Variants in KLHL4 observed in about 807,000 individuals in gnomAD.
KLHL4 encodes kelch like family member 4.
In KLHL4, 17 loss-of-function variants were observed where a neutral mutation model predicts 45.8. The observed-to-expected ratio is 0.37, with a 90% confidence interval of 0.25 to 0.56. KLHL4 has a LOEUF of 0.56. Among genes scored for constraint, KLHL4 ranks in the 20% least tolerant of loss-of-function variants. KLHL4 has a pLI of 0.79. For missense variants in KLHL4, 544 were observed against 544.9 expected (o/e 1.00, Z 0.02); for synonymous variants, 224 against 189.9 (o/e 1.18, Z -1.47).
chrX:87,554,117 G>A (rs1404241814), intron 1 of KLHL4, among the ~76,000 whole-genome samples: 1 of 87,854 alleles, frequency 1.1e-5, no homozygotes, highest in Non-Finnish European at 2.2e-5. Context: ...TTTGGTTACT[G>A]TAGCCTTGTA....
At chrX:87,588,544 GA>G (rs1477554930) in intron 1 of KLHL4, among the ~76,000 whole-genome samples, 1 of 111,134 alleles carries the variant, frequency 9.0e-6, no homozygotes, top group Non-Finnish European at 1.9e-5. Flanking sequence ...ACACACTGGG[GA>G]AAAGACAGTC....
Position 87,669,443 on chromosome X carries a change from G to A in KLHL4, c.*2909G>A, listed in dbSNP as rs1353891661. On this transcript the variant is annotated 3_prime_UTR_variant, in exon 11 of 11. Coordinates refer to ENST00000373119, the MANE Select transcript of KLHL4 (RefSeq NM_019117.5). ...CAATGACATTTATCAATCTGACTCA[G>A]GTGTGGCTGTTGCCCCTTTTTGATA... 3 of 1,192,671 alleles carry A rather than the reference G, an allele frequency of 2.5e-6. No individual in the cohort carries two copies. Among genetic ancestry groups the A allele is most frequent in the Non-Finnish European group, 3.4e-6 (3 of 886,815 alleles).
intron 1 of KLHL4, among the ~76,000 whole-genome samples, chrX:87,553,498 A>G (rs1022818420): frequency 5.4e-5 from 6 of 110,767 alleles, no homozygotes; most frequent in African/African-American, 1.6e-4. Flanking sequence ...GACAAATACC[A>G]ATTTTTGCAT....
chrX:87,546,610 A>C (rs1225321686), intron 1 of KLHL4, among the ~76,000 whole-genome samples: 1 of 111,956 alleles, frequency 8.9e-6, no homozygotes, highest in Non-Finnish European at 1.9e-5. Flanking sequence ...GAGAAGAGGG[A>C]CACAGTCCTC....
chrX:87,583,761 A>G lies in KLHL4; in HGVS notation c.423-30116A>G, dbSNP rs185396803. Among the ~76,000 whole-genome samples, 45 of 111,379 alleles carry G rather than the reference A, an allele frequency of 4.0e-4. No homozygotes were observed. In the East Asian group the frequency reaches 0.011, roughly 28 times the overall value. On this transcript the variant is annotated intron_variant, in intron 1 of 10. Transcript: ENST00000373119. The stretch of plus-strand genomic sequence containing the variant: ...CAGCACATTACCAGCTGTAATGGCC[A>G]TAGGACAAACCTCCTTCTGCTTGAA...
chrX:87,620,907 T>C (rs987296293), intron 4 of KLHL4, among the ~76,000 whole-genome samples: 1 of 112,676 alleles, frequency 8.9e-6, no homozygotes, highest in African/African-American at 3.2e-5. Context: ...ATAGTTGCAC[T>C]ACTATCACCA....
At chrX:87,617,587 A>G (rs770938362) in intron 3 of KLHL4, among the ~76,000 whole-genome samples, 56 of 112,049 alleles carry the variant, frequency 5.0e-4, no homozygotes, top group African/African-American at 1.7e-3. Flanking sequence ...TTTAAGGTGT[A>G]CAACGTAATA....
intron 1 of KLHL4, among the ~76,000 whole-genome samples, chrX:87,541,183 A>T (rs1354223687): frequency 1.8e-5 from 2 of 109,250 alleles, no homozygotes; most frequent in Non-Finnish European, 3.8e-5. Context: ...ATGAGATCTG[A>T]TGGTTTAAAA....
intron 1 of KLHL4, among the ~76,000 whole-genome samples, chrX:87,556,794 G>C (rs1300495970): frequency 9.0e-6 from 1 of 111,592 alleles, no homozygotes; most frequent in African/African-American, 3.3e-5. Flanking sequence ...TCACATGGCA[G>C]AGTAAGTTTT....
chrX:87,580,865 G>T (rs1055776635), intron 1 of KLHL4, among the ~76,000 whole-genome samples: 2 of 111,803 alleles, frequency 1.8e-5, no homozygotes, highest in Admixed American at 9.5e-5. Flanking sequence ...GAACATAAAA[G>T]AAATAGACAT....
At position 87,669,761 on chromosome X, in the gene KLHL4, A is replaced by G. The variant is rs7885122; in HGVS notation, c.*3227A>G. 0.05 allele frequency: 6,097 copies of G among 123,142 alleles called. 426 individuals are homozygous for G. Among genetic ancestry groups the G allele is most frequent in the African/African-American group, 0.19 (5,695 of 30,753 alleles). The allele number at this position is 123,142 out of a possible 1,213,427, so 10.1% of individuals were successfully genotyped here. The stretch of plus-strand genomic sequence containing the variant: ...TCCTGTCCACACTGCTGGAGATACT[A>G]AGTCCCAACCTAAATGATGGAAGGA... On this transcript the variant is annotated 3_prime_UTR_variant, in exon 11 of 11. Coordinates refer to ENST00000373119, the MANE Select transcript of KLHL4 (RefSeq NM_019117.5).
At chrX:87,539,062 G>T (rs1237455935) in intron 1 of KLHL4, among the ~76,000 whole-genome samples, 1 of 111,349 alleles carries the variant, frequency 9.0e-6, no homozygotes, top group East Asian at 2.8e-4. Context: ...AAAATAATTT[G>T]TAATGTTCAC....
In KLHL4 at chrX:87,669,299, ACTGT is replaced by A. The variant is rs1569366979; in HGVS notation, c.*2771_*2774del. The A allele has an allele frequency of 2.5e-6, 3 of 1,206,419 alleles. No homozygotes were observed. The highest frequency in any genetic ancestry group is 3.0e-5 in the East Asian group (1 of 33,679). On this transcript the variant is annotated 3_prime_UTR_variant, in exon 11 of 11. Transcript: ENST00000373119. ...GCATGCATCATGATGATTCTCTAAC[ACTGT>A]CTGTCACCTTCCTGTATTTCCACAG...
chrX:87,585,863 C>A (rs1287300943), intron 1 of KLHL4, among the ~76,000 whole-genome samples: 2 of 110,947 alleles, frequency 1.8e-5, no homozygotes, highest in Non-Finnish European at 3.8e-5. Flanking sequence ...ACTCATTGAT[C>A]TTTTGCCTAT....
intron 1 of KLHL4, among the ~76,000 whole-genome samples, chrX:87,559,696 A>G (rs1259466236): frequency 9.0e-6 from 1 of 111,633 alleles, no homozygotes; most frequent in African/African-American, 3.3e-5. Context: ...AATGCATAAT[A>G]CATGCAAGAC....
chrX:87,639,146 T>A (rs1923366208), intron 9 of KLHL4, among the ~76,000 whole-genome samples: 1 of 111,046 alleles, frequency 9.0e-6, no homozygotes, highest in Admixed American at 9.6e-5. Flanking sequence ...CAGGAAAATA[T>A]CACAATCCTA....
intron 2 of KLHL4, 63 bp downstream of exon 2, chrX:87,614,107 G>GT: frequency 1.3e-6 from 1 of 788,169 alleles, no homozygotes; most frequent in East Asian, 3.2e-5. Flanking sequence ...GAGATAATGA[G>GT]TACATGGATT....
At chrX:87,549,743 T>A (rs1304385858) in intron 1 of KLHL4, among the ~76,000 whole-genome samples, 1 of 110,943 alleles carries the variant, frequency 9.0e-6, no homozygotes, top group Non-Finnish European at 1.9e-5. Context: ...AAACACAACA[T>A]ACTAAAACCT....
intron 1 of KLHL4, among the ~76,000 whole-genome samples, chrX:87,565,685 CAAAAAAAAAAA>C (rs748577568): frequency 2.1e-3 from 56 of 26,268 alleles, no homozygotes; most frequent in African/African-American, 7.6e-3. Flanking sequence ...GTGATTGTGC[CAAAAAAAAAAA>C]AAAAAAAAAA....
Sources: allele counts gnomAD v4.1 joint callset (sites outside exome capture counted in the v4.1 genomes callset), GRCh38; gene constraint gnomAD v4.1.1; transcripts MANE v1.5; gene names NCBI Gene and HGNC (gene_info 2026-07-23, HGNC 2026-07-21).